Variants in LRP1B observed in about 807,000 individuals in gnomAD.
The protein encoded by LRP1B is LDL receptor related protein 1B.
Under a neutral mutation model 556.6 loss-of-function variants are expected in LRP1B, and 217 were observed. The ratio of observed to expected loss-of-function variants is 0.39; its 90% CI spans 0.35 to 0.44. LRP1B has a LOEUF of 0.44. Among genes scored for constraint, LRP1B ranks in the 20% least tolerant of loss-of-function variants. The pLI, the probability that LRP1B is intolerant of heterozygous loss-of-function variation, is 1.00. For missense variants in LRP1B, 5,053 were observed against 5,620.8 expected, an observed-to-expected ratio of 0.90 and a Z score of 3.23; for synonymous variants, 2,047 against 1,865.8, an observed-to-expected ratio of 1.10 and a Z score of -2.50.
At chr2:141,355,384 T>C (rs2105550197) in intron 3 of LRP1B, among the ~76,000 whole-genome samples, 1 of 152,196 alleles carries the variant, frequency 6.6e-6, no homozygotes, top group South Asian at 2.1e-4. Flanking sequence ...TATAAAGTTG[T>C]ACAGCCATCA....
chr2:141,986,718 A>C (rs1702196850), intron 1 of LRP1B, among the ~76,000 whole-genome samples: 1 of 151,978 alleles, frequency 6.6e-6, no homozygotes, highest in African/African-American at 2.4e-5. Flanking sequence ...TAACTGATGA[A>C]GATGTAAATA....
chr2:141,679,010 T>C (rs1290224204), intron 2 of LRP1B, among the ~76,000 whole-genome samples: 2 of 152,186 alleles, frequency 1.3e-5, no homozygotes, highest in African/African-American at 4.8e-5. Flanking sequence ...ATTCTCTTGC[T>C]CATGCTTTCT....
At chr2:141,965,809 AAAAAG>A (rs1343633008) in intron 1 of LRP1B, among the ~76,000 whole-genome samples, 2 of 148,614 alleles carry the variant, frequency 1.3e-5, no homozygotes, top group East Asian at 2.0e-4. Context: ...AAAAAAAAAA[AAAAAG>A]AAAATTGTTT....
rs577229107 is a variant in LRP1B, at chr2:141,037,793, CA to C, written c.1789+11192del. Among the ~76,000 whole-genome samples the C allele has an allele frequency of 2.7e-3, 417 of 151,758 alleles. 2 individuals are homozygous for C. Among genetic ancestry groups the C allele is most frequent in the Middle Eastern group, 6.8e-3 (2 of 292 alleles). ...AAGCAAAAACTTCATGTCCTTTGGC[CA>C]AAGGAAATGAAATTAGAAAGATCCA... On this transcript the variant is annotated intron_variant, in intron 11 of 90. Coordinates refer to ENST00000389484, the MANE Select transcript of LRP1B (RefSeq NM_018557.3).
At chr2:141,008,271 T>G (rs1015735235) in intron 14 of LRP1B, among the ~76,000 whole-genome samples, 1 of 151,392 alleles carries the variant, frequency 6.6e-6, no homozygotes, top group African/African-American at 2.4e-5. Context: ...ACATTATATT[T>G]TATTCAATTT....
At chr2:141,437,854 A>G (rs933141705) in intron 3 of LRP1B, among the ~76,000 whole-genome samples, 6 of 152,028 alleles carry the variant, frequency 3.9e-5, no homozygotes, top group Non-Finnish European at 8.8e-5. Flanking sequence ...TATGTAAACT[A>G]TTGGAACTAA....
At chr2:140,495,927 G>A (rs1304389855) in intron 55 of LRP1B, among the ~76,000 whole-genome samples, 179 bp from the exon 56 acceptor site, 1 of 152,130 alleles carries the variant, frequency 6.6e-6, no homozygotes, top group Admixed American at 6.5e-5. Flanking sequence ...TAGTTAGAAA[G>A]CACTCTCCCA....
At chr2:141,040,339 G>C (rs989772096) in intron 11 of LRP1B, among the ~76,000 whole-genome samples, 10 of 152,028 alleles carry the variant, frequency 6.6e-5, no homozygotes, top group Non-Finnish European at 1.3e-4. Context: ...ACACTCTAAT[G>C]TAATTCATTA....
At chr2:140,635,953 G>A (rs942173630) in intron 41 of LRP1B, among the ~76,000 whole-genome samples, 10 of 151,932 alleles carry the variant, frequency 6.6e-5, no homozygotes, top group African/African-American at 1.4e-4. Flanking sequence ...AGTAATCTAC[G>A]CTATCTTTCC....
At chr2:140,317,078 T>G (rs1225248853) in intron 82 of LRP1B, among the ~76,000 whole-genome samples, 2 of 152,114 alleles carry the variant, frequency 1.3e-5, no homozygotes, top group East Asian at 3.9e-4. Context: ...TGAAAGTTAC[T>G]GTGAGTGGAC....
At chr2:141,991,468 G>A (rs550817629) in intron 1 of LRP1B, among the ~76,000 whole-genome samples, 1 of 151,980 alleles carries the variant, frequency 6.6e-6, no homozygotes, top group South Asian at 2.1e-4. Flanking sequence ...ATTTTTATAG[G>A]TCAAAATAGT....
chr2:141,869,342 C>A (rs1278657178), intron 1 of LRP1B, among the ~76,000 whole-genome samples: 1 of 151,782 alleles, frequency 6.6e-6, no homozygotes, highest in Non-Finnish European at 1.5e-5. Context: ...AGTTTTATAC[C>A]TTCTATATCT....
At chr2:141,292,642 G>C (rs1233462419) in intron 3 of LRP1B, among the ~76,000 whole-genome samples, 5 of 152,084 alleles carry the variant, frequency 3.3e-5, no homozygotes, top group Non-Finnish European at 1.5e-5. Context: ...TCCCTCTGTA[G>C]TATTCCTCCC....
chr2:141,059,125 C>T, intron 8 of LRP1B, 71 bp from the exon 9 acceptor site: 1 of 995,806 alleles, frequency 1.0e-6, no homozygotes, highest in Non-Finnish European at 1.4e-6. Flanking sequence ...AAGCTGATTG[C>T]TATTTACTAG....
At chr2:141,825,294 G>C (rs1180539945) in intron 1 of LRP1B, among the ~76,000 whole-genome samples, 1 of 152,150 alleles carries the variant, frequency 6.6e-6, no homozygotes, top group Non-Finnish European at 1.5e-5. Flanking sequence ...GTGTAGCACA[G>C]ATAAAAAGAC....
intron 41 of LRP1B, among the ~76,000 whole-genome samples, chr2:140,625,257 C>A (rs575106889): frequency 1.3e-5 from 2 of 152,220 alleles, no homozygotes; most frequent in African/African-American, 4.8e-5. Context: ...GATAAATGAT[C>A]ATAAATTGGA....
Position 140,356,415 on chromosome 2 carries a change from A to T in LRP1B, c.11457T>A (p.Asn3819Lys). 2 of 1,609,310 alleles carry T rather than the reference A, an allele frequency of 1.2e-6. No homozygotes were observed. The highest frequency in any genetic ancestry group is 1.7e-4 in the Middle Eastern group (1 of 6,032). The change falls in exon 75 of 91, where the codon AAT becomes AAA. Residue 3819 changes from asparagine (N) to lysine (K), a missense_variant. Around this residue, in one of 5 missense-constraint regions of LRP1B, gnomAD observed 599 missense variants for 648.4 expected, o/e 0.92. Coordinates refer to ENST00000389484, the MANE Select transcript of LRP1B (RefSeq NM_018557.3). Reference sequence around the variant, plus strand: ...GACAGAAAACAGATGTTTTTATTTGATTACAATATGCATCATCTCCACATG... The same window carrying T: ...GACAGAAAACAGATGTTTTTATTTGTTTACAATATGCATCATCTCCACATG... ...VNPCGDDAYC[N>K]QIKTSVFCRC... is the part of the protein sequence containing the mutation.
chr2:141,068,394 A>C (rs1574040419), intron 7 of LRP1B, among the ~76,000 whole-genome samples: 1 of 151,966 alleles, frequency 6.6e-6, no homozygotes, highest in East Asian at 2.0e-4. Context: ...AGGCTTGAGG[A>C]GGCGGTGTCT....
chr2:142,077,558 A>G (rs1705552099), intron 1 of LRP1B, among the ~76,000 whole-genome samples: 1 of 152,152 alleles, frequency 6.6e-6, no homozygotes, highest in African/African-American at 2.4e-5. Flanking sequence ...CATTCATAGT[A>G]TGGGACCACC....
Sources: gnomAD v4.1 joint callset for allele counts (sites outside exome capture counted in the v4.1 genomes callset) on GRCh38, gnomAD v4.1.1 for gene constraint, gnomAD v4.1.1 regional missense constraint, MANE v1.5 for transcripts, NCBI Gene and HGNC (gene_info 2026-07-23, HGNC 2026-07-21) for gene names.